Variants in CREM observed in about 807,000 individuals in gnomAD.
CREM encodes cAMP-responsive element modulator.
In CREM, 13 loss-of-function variants were observed where a neutral mutation model predicts 37.3. The observed-to-expected ratio is 0.35, with a 90% CI of 0.23 to 0.55. The LOEUF is 0.55. Among genes scored for constraint, CREM ranks in the 20% least tolerant of loss-of-function variants. The pLI, the probability that CREM is intolerant of heterozygous loss-of-function variation, is 0.88. For synonymous variants in CREM, 124 were observed against 120.2 expected, an observed-to-expected ratio of 1.03 and a Z score of -0.21; for missense variants, 296 against 362.3, an observed-to-expected ratio of 0.82 and a Z score of 1.49.
chr10:35,167,522 C>G, intron 3 of CREM: 1 of 566,652 alleles, frequency 1.8e-6, no homozygotes, highest in East Asian at 2.8e-5. Flanking sequence ...ATCATAAACC[C>G]CATCGTGAGG....
At chr10:35,145,632 A>G (rs1207524163) in intron 2 of CREM, among the ~76,000 whole-genome samples, 1 of 152,062 alleles carries the variant, frequency 6.6e-6, no homozygotes, top group East Asian at 1.9e-4. Flanking sequence ...AATACAAAAT[A>G]GCTGGGCATG....
At chr10:35,153,982 A>C (rs1420046203) in intron 3 of CREM, 3 of 397,132 alleles carry the variant, frequency 7.6e-6, no homozygotes, top group African/African-American at 6.2e-5. Context: ...TAACCCTATG[A>C]TGTTTGCCAA....
intron 1 of CREM, among the ~76,000 whole-genome samples, chr10:35,135,931 A>G (rs965766146): frequency 6.6e-6 from 1 of 152,118 alleles, no homozygotes; most frequent in African/African-American, 2.4e-5. Flanking sequence ...GCAAGCAGGC[A>G]AGCGTTCATT....
rs764476007 is a variant in CREM at position 35,188,190 on chromosome 10, T to C, written c.410-10T>C. On this transcript the variant is annotated splice_polypyrimidine_tract_variant and intron_variant, in intron 5 of 7. Coordinates refer to ENST00000685392, the MANE Select transcript of CREM (RefSeq NM_183011.2). ...AAATTCTCTAATATTTCTTTTCTTT[T>C]TCTGTTAAGTTGCTATAGCCCAAGG... 9 of 1,592,350 alleles carry C rather than the reference T, an allele frequency of 5.7e-6. No homozygotes were observed. In the Admixed American group the frequency reaches 9.4e-5, roughly 17 times the overall value.
chr10:35,158,809 G>T (rs12242154), intron 3 of CREM, among the ~76,000 whole-genome samples: 9,296 of 69,244 alleles, frequency 0.13, 1,083 homozygotes, highest in African/African-American at 0.32. Flanking sequence ...TTTTTTTTTT[G>T]TTGTTTTGTT....
chr10:35,143,191 T>C (rs1213389), intron 2 of CREM, among the ~76,000 whole-genome samples: 1 of 151,886 alleles, frequency 6.6e-6, no homozygotes, highest in African/African-American at 2.4e-5. Context: ...GGCTGGTCTT[T>C]AACTCTTGAC....
chr10:35,130,507 G>T (rs1472812422), intron 1 of CREM, among the ~76,000 whole-genome samples: 3 of 152,134 alleles, frequency 2.0e-5, no homozygotes, highest in Non-Finnish European at 4.4e-5. Context: ...AAGTCTTACT[G>T]CACTGAATAA....
intron 7 of CREM, among the ~76,000 whole-genome samples, chr10:35,209,948 G>T (rs143357801): frequency 1.3e-5 from 2 of 152,104 alleles, no homozygotes; most frequent in Admixed American, 6.5e-5. Flanking sequence ...ATTGTTCCTG[G>T]CTAGGAAGCA....
At chr10:35,173,030 T>G (rs12268125) in intron 3 of CREM, among the ~76,000 whole-genome samples, 4,575 of 152,310 alleles carry the variant, frequency 0.03, 230 homozygotes, top group African/African-American at 0.1. Flanking sequence ...TGGTTATACT[T>G]TAATGAAATG....
intron 6 of CREM, among the ~76,000 whole-genome samples, chr10:35,192,544 A>G (rs922930055): frequency 7.2e-5 from 11 of 151,884 alleles, no homozygotes; most frequent in Admixed American, 5.2e-4. Flanking sequence ...AGACGGGGTT[A>G]CACCATGTTG....
intron 5 of CREM, among the ~76,000 whole-genome samples, chr10:35,186,066 C>A (rs778176496): frequency 6.6e-6 from 1 of 152,132 alleles, no homozygotes; most frequent in South Asian, 2.1e-4. Flanking sequence ...ACTACTGTTA[C>A]GCTACTGTAA....
intron 3 of CREM, among the ~76,000 whole-genome samples, chr10:35,167,208 C>A (rs909864063): frequency 2.0e-5 from 3 of 151,856 alleles, no homozygotes; most frequent in Non-Finnish European, 3.0e-5. Flanking sequence ...TTATAATATT[C>A]TTATTATTTT....
intron 3 of CREM, among the ~76,000 whole-genome samples, chr10:35,160,942 A>G (rs1415770260): frequency 6.6e-6 from 1 of 152,218 alleles, no homozygotes; most frequent in Non-Finnish European, 1.5e-5. Flanking sequence ...AAGAACACTC[A>G]TGGAGCTGTC....
rs1218830432 is a variant in CREM at position 35,207,165 on chromosome 10, G to A, written c.755+114G>A. 11 of 1,067,056 alleles carry A rather than the reference G, an allele frequency of 1.0e-5. No homozygotes were observed. In the East Asian group the frequency reaches 3.0e-4, roughly 29 times the overall value. The allele number at this position is 1,067,056 out of a possible 1,614,324, so 66.1% of individuals were successfully genotyped here. ...CCCAGCACTTTGGGAGGCCAAGGCA[G>A]GCGGATCACAGGGTCAGGAGATCAA... On this transcript the variant is annotated intron_variant, in intron 7 of 7. Coordinates refer to ENST00000685392, the MANE Select transcript of CREM (RefSeq NM_183011.2).
intron 3 of CREM, among the ~76,000 whole-genome samples, chr10:35,167,350 GTA>G (rs2093604519): frequency 6.6e-6 from 1 of 152,154 alleles, no homozygotes. Flanking sequence ...GCTTGTTAGT[GTA>G]TTTTTATTGT....
chr10:35,195,363 C>T, intron 6 of CREM: 3 of 766,072 alleles, frequency 3.9e-6, no homozygotes, highest in East Asian at 2.9e-5. Flanking sequence ...TCTATATATT[C>T]AGCTCACTTT....
At chr10:35,191,088 T>TTATTTATTTATTTATG (rs2094898054) in intron 6 of CREM, among the ~76,000 whole-genome samples, 1 of 150,678 alleles carries the variant, frequency 6.6e-6, no homozygotes, top group African/African-American at 2.4e-5. Context: ...ATTTTTCTTT[T>TTATTTATTTATTTATG]TATTTATTTA....
At chr10:35,207,504 A>C (rs2095560154) in intron 7 of CREM, among the ~76,000 whole-genome samples, 1 of 151,952 alleles carries the variant, frequency 6.6e-6, no homozygotes. Flanking sequence ...AGCTGGGCGC[A>C]GTGGCTCCCG....
chr10:35,197,616 C>A (rs2134097383), intron 6 of CREM, among the ~76,000 whole-genome samples: 1 of 152,114 alleles, frequency 6.6e-6, no homozygotes, highest in East Asian at 1.9e-4. Context: ...CCACGCCCGG[C>A]TAATTTTGTT....
Sources: allele counts gnomAD v4.1 joint callset (sites outside exome capture counted in the v4.1 genomes callset), GRCh38; gene constraint gnomAD v4.1.1; transcripts MANE v1.5; gene names NCBI Gene and HGNC (gene_info 2026-07-23, HGNC 2026-07-21).